MIER3: variants seen among roughly 807,000 people sequenced by gnomAD.
MIER3 encodes mesoderm induction early response protein 3.
Under a neutral mutation model 63.2 loss-of-function variants are expected in MIER3, and 9 were observed. The observed-to-expected ratio is 0.14, with a 90% CI of 0.09 to 0.25. MIER3 has a LOEUF of 0.25. Ranked by LOEUF, MIER3 falls within the 10% of genes least tolerant of loss-of-function variation. The pLI is 1.00. For missense variants in MIER3, 512 were observed against 666.2 expected (o/e 0.77, Z 2.55); for synonymous variants, 205 against 224.9 (o/e 0.91, Z 0.79).
chr5:56,923,655 C>T, intron 12 of MIER3, 36 bp downstream of exon 12: 1 of 1,613,560 alleles, frequency 6.2e-7, no homozygotes. Flanking sequence ...AATTTTGCAA[C>T]AAACTGTACT....
At chr5:56,942,629 G>A (rs905108740) in intron 3 of MIER3, among the ~76,000 whole-genome samples, 1 of 152,062 alleles carries the variant, frequency 6.6e-6, no homozygotes, top group African/African-American at 2.4e-5. Context: ...GACGATAATA[G>A]CCAAAACCCT....
chr5:56,930,622 C>A (rs1386319688), intron 9 of MIER3, 42 bp downstream of exon 9: 2 of 1,522,684 alleles, frequency 1.3e-6, no homozygotes, highest in Non-Finnish European at 1.8e-6. Context: ...CCCAAATGAC[C>A]ATCCCTGTCA....
chr5:56,925,667 G>A (rs552071242), intron 10 of MIER3: 14 of 167,354 alleles, frequency 8.4e-5, no homozygotes, highest in African/African-American at 3.1e-4. Context: ...TTGTTAAGAC[G>A]TCAGTTCTTC....
intron 1 of MIER3, among the ~76,000 whole-genome samples, chr5:56,951,603 C>T (rs923528953): frequency 2.7e-4 from 41 of 152,264 alleles, no homozygotes; most frequent in African/African-American, 9.6e-4. Flanking sequence ...GCGGCTCCTT[C>T]GCGCCGCAGC....
chr5:56,947,111 G>A (rs755177925), intron 2 of MIER3, 40 bp from the exon 3 acceptor site: 1 of 1,560,088 alleles, frequency 6.4e-7, no homozygotes, highest in African/African-American at 1.4e-5. Flanking sequence ...ACATTTACAA[G>A]GCTATTAACA....
chr5:56,931,918 A>T (rs1453116052), intron 8 of MIER3, among the ~76,000 whole-genome samples: 1 of 152,172 alleles, frequency 6.6e-6, no homozygotes, highest in Non-Finnish European at 1.5e-5. Context: ...GAAACACCTG[A>T]AAGAGTCAAG....
In MIER3 at chr5:56,932,605, G is replaced by A. The variant is rs978362904; in HGVS notation, c.747+642C>T. 3.3e-5 allele frequency among the ~76,000 whole-genome samples: 5 copies of A among 152,088 alleles called. No homozygotes were observed. In the South Asian group the frequency reaches 6.2e-4, roughly 19 times the overall value. On this transcript the variant is annotated intron_variant, in intron 8 of 12. Coordinates refer to ENST00000381199, the MANE Select transcript of MIER3 (RefSeq NM_001297599.2). Reference sequence around the variant, plus strand: ...TGAAAGAAGCAGAATGATCTCAGAGGGGCAAAACTTAGGGGTATTCGAAAA... The same window carrying A: ...TGAAAGAAGCAGAATGATCTCAGAGAGGCAAAACTTAGGGGTATTCGAAAA...
intron 3 of MIER3, 73 bp downstream of exon 3, chr5:56,946,853 G>T: frequency 8.8e-7 from 1 of 1,138,272 alleles, no homozygotes. Flanking sequence ...TTTATTTCAG[G>T]TAGATTATTT....
intron 10 of MIER3, chr5:56,925,638 T>C (rs761450163): frequency 5.3e-6 from 1 of 187,190 alleles, no homozygotes; most frequent in African/African-American, 2.4e-5. Context: ...TCTATGTTCA[T>C]GGATAAGAAG....
At chr5:56,941,739 TA>T (rs1750653262) in intron 3 of MIER3, among the ~76,000 whole-genome samples, 1 of 152,066 alleles carries the variant, frequency 6.6e-6, no homozygotes, top group Non-Finnish European at 1.5e-5. Context: ...TATTTCTTCT[TA>T]AAATACTGAA....
intron 10 of MIER3, chr5:56,925,263 G>GT (rs1749907954): frequency 2.3e-6 from 1 of 435,918 alleles, no homozygotes; most frequent in Admixed American, 2.6e-5. Flanking sequence ...AGCTAATGCA[G>GT]TAAGACAAGA....
Position 56,941,027 on chromosome 5 carries a change from A to G in MIER3, c.181-2010T>C, listed in dbSNP as rs929378465. On this transcript the variant is annotated intron_variant, in intron 3 of 12. Transcript: ENST00000381199. ...TTATGCACTGATGGTCCACCTTCCC[A>G]TCATTTACTCAGTTCTAAGTGCTTG... The G allele has an allele frequency of 5.1e-6, 5 of 985,084 alleles. No homozygotes were observed. The African/African-American group carries it at 8.7e-5, about 17-fold the overall frequency. 61.0% of individuals were successfully genotyped at this position (985,084 alleles called of 1,614,324 possible).
Position 56,928,720 on chromosome 5 carries a change from C to A in MIER3, c.924+47G>T, listed in dbSNP as rs760078147. ...AAGTGACTTATAAATTAGTTGCTTA[C>A]ATTCACTGTAACTAGTAATTTATCT... On this transcript the variant is annotated intron_variant, in intron 10 of 12. Transcript: ENST00000381199. 8 of 1,343,398 alleles carry A rather than the reference C, an allele frequency of 6.0e-6. No individual in the cohort carries two copies. The Admixed American group carries it at 1.6e-4, about 27-fold the overall frequency. 83.2% of individuals were successfully genotyped at this position (1,343,398 alleles called of 1,614,324 possible).
rs935331530 is a variant in MIER3, at chr5:56,920,644, T to C, written c.*2484A>G. 7.2e-5 allele frequency: 11 copies of C among 152,054 alleles called. No individual in the cohort carries two copies. Among genetic ancestry groups the C allele is most frequent in the African/African-American group, 2.7e-4 (11 of 41,322 alleles). The allele number at this position is 152,054 out of a possible 1,614,324, so 9.4% of individuals were successfully genotyped here. ...TGAGAGAAAAAAAAAACCCAGTAAATCCAGCTTTTAAAAGAAAATTCAATA... is the reference window on the plus strand; with the variant it reads ...TGAGAGAAAAAAAAAACCCAGTAAACCCAGCTTTTAAAAGAAAATTCAATA... On this transcript the variant is annotated 3_prime_UTR_variant, in exon 13 of 13. Coordinates refer to ENST00000381199, the MANE Select transcript of MIER3 (RefSeq NM_001297599.2).
At chr5:56,945,292 G>A (rs1192785629) in intron 3 of MIER3, among the ~76,000 whole-genome samples, 8 of 151,936 alleles carry the variant, frequency 5.3e-5, no homozygotes, top group Non-Finnish European at 8.8e-5. Context: ...GCAAAACCCC[G>A]TCTCTACCAA....
intron 4 of MIER3, chr5:56,938,436 C>T (rs897680232): frequency 1.3e-5 from 6 of 464,900 alleles, no homozygotes; most frequent in Non-Finnish European, 2.7e-5. Context: ...AACCAGCCTA[C>T]GTTAGAGATG....
At chr5:56,936,387 C>T (rs1048481359) in intron 5 of MIER3, among the ~76,000 whole-genome samples, 2 of 152,008 alleles carry the variant, frequency 1.3e-5, no homozygotes, top group African/African-American at 4.8e-5. Context: ...TCCATCAAAA[C>T]TGTTTTTGTA....
Position 56,921,685 on chromosome 5 carries a change from C to T in MIER3, c.*1443G>A, listed in dbSNP as rs573964897. The T allele has an allele frequency of 1.0e-4, 16 of 152,704 alleles. No individual in the cohort carries two copies. The highest frequency in any genetic ancestry group is 3.8e-4 in the African/African-American group (16 of 41,560). The allele number at this position is 152,704 out of a possible 1,614,324, so 9.5% of individuals were successfully genotyped here. ...TCTACTCATCAGCACAACCTTGAAG[C>T]AACTTATACTTACAAATATTAGCAA... On this transcript the variant is annotated 3_prime_UTR_variant, in exon 13 of 13. Coordinates refer to ENST00000381199, the MANE Select transcript of MIER3 (RefSeq NM_001297599.2).
chr5:56,950,689 A>G, intron 1 of MIER3, 37 bp from the exon 2 acceptor site: 1 of 1,611,556 alleles, frequency 6.2e-7, no homozygotes, highest in Non-Finnish European at 8.5e-7. Flanking sequence ...GTTAGATCGC[A>G]CAGCCAGGGA....
Sources: gnomAD v4.1 joint callset for allele counts (sites outside exome capture counted in the v4.1 genomes callset) on GRCh38, gnomAD v4.1.1 for gene constraint, MANE v1.5 for transcripts, NCBI Gene and HGNC (gene_info 2026-07-23, HGNC 2026-07-21) for gene names.